The following GDF6 variants were observed in gnomAD, a reference collection of about 807,000 sequenced individuals.
GDF6 encodes growth differentiation factor 6, also known as growth/differentiation factor 6.
GDF6 carries 3 observed loss-of-function variants against 32.4 expected under a neutral mutation model. The observed-to-expected ratio is 0.09, with a 90% confidence interval of 0.04 to 0.24. The LOEUF (loss-of-function observed/expected upper bound fraction) is 0.24, where lower values mean the gene tolerates loss of function less well. Among genes scored for constraint, GDF6 ranks in the 10% least tolerant of loss-of-function variants. GDF6 has a pLI of 1.00. For missense variants in GDF6, 589 were observed against 637.9 expected (o/e 0.92, Z 0.83); for synonymous variants, 296 against 295.3 (o/e 1.00, Z -0.03).
rs117125307 is a variant in GDF6, at chr8:96,144,398, G to A, written c.*165C>T. On this transcript the variant is annotated 3_prime_UTR_variant, in exon 2 of 2. Coordinates refer to ENST00000287020, the MANE Select transcript of GDF6 (RefSeq NM_001001557.4). The surrounding 1 kb of genome is among the most constrained non-coding windows in gnomAD (Gnocchi z 5.1). ...CTGGCAGGTAGAAGTTACTGGGAAG[G>A]CTGCGCTCCCTTCTCTCCCACCGGC... The A allele has an allele frequency of 3.8e-3, 2,862 of 760,474 alleles. 141 individuals carry two copies. In the East Asian group the frequency reaches 0.071, roughly 19 times the overall value. 47.1% of individuals were successfully genotyped at this position (760,474 alleles called of 1,614,324 possible). A position where few individuals can be genotyped will look rare whatever the true frequency, so the allele number is the denominator to read the frequency against.
At position 96,160,607 on chromosome 8, in the gene GDF6, G is replaced by A; in HGVS notation, c.86C>T (p.Ser29Leu). ...CAGCTCGGCGGACGACGAGGAGGAT[G>A]AGATGGAAGCCTGCTGGAAACCGGG... Reference protein sequence around the residue: ...DLPGFQQASISSSSSSAELGS... With the variant: ...DLPGFQQASILSSSSSAELGS... Residue 29 changes from serine (S) to leucine (L), a missense_variant, in exon 1 of 2, where the codon TCA (serine) becomes TTA (leucine). Coordinates refer to ENST00000287020, the MANE Select transcript of GDF6 (RefSeq NM_001001557.4). The A allele has an allele frequency of 6.2e-7, 1 of 1,613,772 alleles. No homozygotes were observed. The highest frequency in any genetic ancestry group is 8.5e-7 in the Non-Finnish European group (1 of 1,179,734).
intron 1 of GDF6, among the ~76,000 whole-genome samples, chr8:96,153,534 C>G (rs943521009): frequency 2.0e-5 from 3 of 152,224 alleles, no homozygotes; most frequent in Non-Finnish European, 2.9e-5. Flanking sequence ...CTTCCCTGCA[C>G]TGTCGACCGG....
At chr8:96,147,953 C>T (rs1411182036) in intron 1 of GDF6, among the ~76,000 whole-genome samples, 1 of 152,134 alleles carries the variant, frequency 6.6e-6, no homozygotes, top group Non-Finnish European at 1.5e-5. Context: ...ATTTACTTCT[C>T]TCTCATGCAA....
At chr8:96,155,019 G>C (rs921746865) in intron 1 of GDF6, among the ~76,000 whole-genome samples, 1 of 152,180 alleles carries the variant, frequency 6.6e-6, no homozygotes, top group Non-Finnish European at 1.5e-5. Context: ...CAATTGGGGG[G>C]TGGGGAGGGT....
chr8:96,158,937 G>A (rs1427730865), intron 1 of GDF6, among the ~76,000 whole-genome samples: 1 of 151,102 alleles, frequency 6.6e-6, no homozygotes, highest in Admixed American at 6.6e-5. Context: ...CTCGAGCAAG[G>A]AACGCGACTA....
In GDF6 at chr8:96,145,629, G is replaced by A; in HGVS notation, c.407-105C>T. ...AAAGGGCGGGGAGTGGGGGCAGGTC[G>A]GCCGGGCAGTCCAGCTTGCCCGGCC... On this transcript the variant is annotated intron_variant, in intron 1 of 1. Transcript: ENST00000287020. This position sits in a 1 kb window ranked among gnomAD's most constrained non-coding sequence, Gnocchi z 5.6. 5 of 1,402,450 alleles carry A rather than the reference G, an allele frequency of 3.6e-6. No homozygotes were observed. The highest frequency in any genetic ancestry group is 1.4e-5 in the African/African-American group (1 of 70,836). The allele number at this position is 1,402,450 out of a possible 1,614,324, so 86.9% of individuals were successfully genotyped here.
At chr8:96,158,478 C>T (rs950227044) in intron 1 of GDF6, among the ~76,000 whole-genome samples, 3 of 152,230 alleles carry the variant, frequency 2.0e-5, no homozygotes, top group Middle Eastern at 3.2e-3. Context: ...GCCAAATTCA[C>T]AGGGCGCAGC....
rs376427985 is a variant in GDF6 at position 96,144,621 on chromosome 8, T to C, written c.1310A>G (p.Asn437Ser). 28 of 1,614,022 alleles carry C rather than the reference T, an allele frequency of 1.7e-5. No homozygotes were observed. The highest frequency in any genetic ancestry group is 2.4e-5 in the Non-Finnish European group (28 of 1,179,980). ...PISILYIDAG[N>S]NVVYKQYEDM... is the part of the protein sequence containing the mutation. ...CTCGTACTGCTTGTAGACCACATTA[T>C]TGCCCGCGTCGATGTATAGAATGCT... The change falls in exon 2 of 2, where the codon AAT (asparagine) becomes AGT (serine). Residue 437 changes from asparagine to serine, a missense_variant. This residue lies in a region of GDF6 where 153 missense variants were observed against 226.7 expected (regional missense o/e 0.67). Transcript: ENST00000287020. The surrounding 1 kb of genome is among the most constrained non-coding windows in gnomAD (Gnocchi z 5.1).
chr8:96,156,755 C>T (rs1812672493), intron 1 of GDF6, among the ~76,000 whole-genome samples: 1 of 152,200 alleles, frequency 6.6e-6, no homozygotes, highest in African/African-American at 2.4e-5. Context: ...GGAAGCAAAG[C>T]ACACCAAAAT....
intron 1 of GDF6, among the ~76,000 whole-genome samples, chr8:96,153,647 G>A (rs368203358): frequency 1.5e-4 from 23 of 152,304 alleles, no homozygotes; most frequent in African/African-American, 4.1e-4. Flanking sequence ...GAATATGATC[G>A]GGCTGCATGG....
chr8:96,160,150 G>T, intron 1 of GDF6, 137 bp downstream of exon 1: 1 of 962,892 alleles, frequency 1.0e-6, no homozygotes, highest in Non-Finnish European at 1.7e-6. Flanking sequence ...TCGAGCTTGA[G>T]AAAAACAATT....
intron 1 of GDF6, among the ~76,000 whole-genome samples, chr8:96,157,437 G>A (rs1812686945): frequency 6.6e-6 from 1 of 152,168 alleles, no homozygotes; most frequent in South Asian, 2.1e-4. Context: ...GGAGCAAGTC[G>A]CCCATGCCTC....
At position 96,155,136 on chromosome 8, in the gene GDF6, C is replaced by T. The variant is rs145694003; in HGVS notation, c.406+5151G>A. Among the ~76,000 whole-genome samples, 26 of 152,254 alleles carry T rather than the reference C, an allele frequency of 1.7e-4. No individual in the cohort carries two copies. The East Asian group carries it at 4.8e-3, about 28-fold the overall frequency. On this transcript the variant is annotated intron_variant, in intron 1 of 1. Transcript: ENST00000287020. ...GTTTGAGCACGTTTTTAGATCCCCT[C>T]CCCCATCGGCAACTCCACCGCGCGA...
In GDF6 at chr8:96,144,292, A is replaced by AGAGAGAGAGAGAGAC; in HGVS notation, c.*270_*271insGTCTCTCTCTCTCTC. ...AGAGAGAGAGAGAGAGAGAGAGAGA[A>AGAGAGAGAGAGAGAC]AACAGAACAAAAGAAATCCTCCTTG... is the stretch of plus-strand genomic sequence containing the variant. On this transcript the variant is annotated 3_prime_UTR_variant, in exon 2 of 2. Transcript: ENST00000287020. This position sits in a 1 kb window ranked among gnomAD's most constrained non-coding sequence, Gnocchi z 5.1. The AGAGAGAGAGAGAGAC allele has an allele frequency of 3.1e-6, 1 of 321,500 alleles. No individual in the cohort carries two copies. Among genetic ancestry groups the AGAGAGAGAGAGAGAC allele is most frequent in the Admixed American group, 5.4e-5 (1 of 18,446 alleles). The allele number at this position is 321,500 out of a possible 1,614,324, so 19.9% of individuals were successfully genotyped here. A position where few individuals can be genotyped will look rare whatever the true frequency, so the allele number is the denominator to read the frequency against.
chr8:96,144,537 G>C lies in GDF6; in HGVS notation c.*26C>G, dbSNP rs777138120. The C allele has an allele frequency of 3.4e-5, 54 of 1,611,172 alleles. 1 individual carries two copies. The South Asian group carries it at 5.6e-4, about 17-fold the overall frequency. ...GCGGACCTTGGCCCACCTTGGTTCC[G>C]GGCCAAGGCGGCGGGAAAGGCACCG... On this transcript the variant is annotated 3_prime_UTR_variant, in exon 2 of 2. Transcript: ENST00000287020. This position sits in a 1 kb window ranked among gnomAD's most constrained non-coding sequence, Gnocchi z 5.1.
chr8:96,145,666 C>A lies in GDF6; in HGVS notation c.407-142G>T. 1 of 946,638 alleles carries A rather than the reference C, an allele frequency of 1.1e-6. No individual in the cohort carries two copies. The highest frequency in any genetic ancestry group is 1.6e-6 in the Non-Finnish European group (1 of 626,310). The allele number at this position is 946,638 out of a possible 1,614,324, so 58.6% of individuals were successfully genotyped here. ...CAGCTTGCCCGGCCCAGGGCCTGAC[C>A]ACCCCGGCTCCCCATCTGGCTGGTG... On this transcript the variant is annotated intron_variant, in intron 1 of 1. Transcript: ENST00000287020. This position sits in a 1 kb window ranked among gnomAD's most constrained non-coding sequence, Gnocchi z 5.6.
chr8:96,149,072 A>C (rs1812528111), intron 1 of GDF6, among the ~76,000 whole-genome samples: 1 of 152,226 alleles, frequency 6.6e-6, no homozygotes, highest in South Asian at 2.1e-4. Flanking sequence ...ATCTGTGGGC[A>C]AAAAGCCAGC....
intron 1 of GDF6, among the ~76,000 whole-genome samples, chr8:96,146,705 C>CAGAGAGAGAGAGAGAGAG (rs555323322): frequency 7.2e-5 from 10 of 138,458 alleles, no homozygotes; most frequent in African/African-American, 2.9e-4. Context: ...CACACACACA[C>CAGAGAGAGAGAGAGAGAG]ACAGAGAGAG....
chr8:96,160,006 C>T lies in GDF6; in HGVS notation c.406+281G>A, dbSNP rs541229930. 6.6e-5 allele frequency among the ~76,000 whole-genome samples: 10 copies of T among 152,244 alleles called. No individual in the cohort carries two copies. In the South Asian group the frequency reaches 2.1e-3, roughly 32 times the overall value. On this transcript the variant is annotated intron_variant, in intron 1 of 1. Transcript: ENST00000287020. ...CCGTCCTCCACGTTTCCCCCACCAGCCACCAACAAGCGGCAACCACGCTGC... is the reference window on the plus strand; with the variant it reads ...CCGTCCTCCACGTTTCCCCCACCAGTCACCAACAAGCGGCAACCACGCTGC...
Sources: allele counts gnomAD v4.1 joint callset (sites outside exome capture counted in the v4.1 genomes callset), GRCh38; gene constraint gnomAD v4.1.1; regional missense constraint gnomAD v4.1.1; non-coding constraint Gnocchi (gnomAD v3.1); transcripts MANE v1.5; gene names NCBI Gene and HGNC (gene_info 2026-07-23, HGNC 2026-07-21).